SGMS1: variants seen among roughly 807,000 people sequenced by gnomAD.
SGMS1 encodes the protein sphingomyelin synthase 1, also known as phosphatidylcholine:ceramide cholinephosphotransferase 1.
A neutral mutation model predicts 46.2 loss-of-function variants in SGMS1; 13 were observed. That is an observed-to-expected ratio of 0.28 (90% CI 0.18 to 0.45). The LOEUF is 0.45. SGMS1 is among the 20% of genes least tolerant of loss of function. The pLI is 1.00. For missense variants in SGMS1, 324 were observed against 519.9 expected, an observed-to-expected ratio of 0.62 and a Z score of 3.66; for synonymous variants, 203 against 187.8, an observed-to-expected ratio of 1.08 and a Z score of -0.66.
chr10:50,566,754 C>T (rs907547150), intron 2 of SGMS1, among the ~76,000 whole-genome samples: 1 of 152,092 alleles, frequency 6.6e-6, no homozygotes, highest in South Asian at 2.1e-4. Flanking sequence ...GTTTCAGGAC[C>T]CCTGGCAGAC....
intron 2 of SGMS1, among the ~76,000 whole-genome samples, chr10:50,524,879 A>T (rs921342046): frequency 6.6e-6 from 1 of 152,210 alleles, no homozygotes; most frequent in Non-Finnish European, 1.5e-5. Flanking sequence ...ATAAGATGAG[A>T]GTAACTCATC....
At chr10:50,516,923 A>G (rs1217082116) in intron 3 of SGMS1, among the ~76,000 whole-genome samples, 1 of 152,194 alleles carries the variant, frequency 6.6e-6, no homozygotes, top group East Asian at 1.9e-4. Flanking sequence ...CTGAGCAAAG[A>G]ACACTCAGGA....
At chr10:50,558,457 G>A (rs749611690) in intron 2 of SGMS1, among the ~76,000 whole-genome samples, 9 of 152,076 alleles carry the variant, frequency 5.9e-5, no homozygotes, top group Non-Finnish European at 1.2e-4. Context: ...GAAATATCCC[G>A]GATAAGCTGC....
At chr10:50,356,291 T>C (rs1204714196) in intron 6 of SGMS1, among the ~76,000 whole-genome samples, 2 of 152,192 alleles carry the variant, frequency 1.3e-5, no homozygotes. Flanking sequence ...ATGTGCTGTG[T>C]CCACTAAGGG....
intron 7 of SGMS1, among the ~76,000 whole-genome samples, chr10:50,337,466 G>T (rs1241113616): frequency 1.3e-5 from 2 of 152,086 alleles, no homozygotes; most frequent in Non-Finnish European, 2.9e-5. Context: ...CATATCAAAT[G>T]CTCTTTATAT....
At position 50,523,920 on chromosome 10, in the gene SGMS1, C is replaced by T. The variant is rs189263279; in HGVS notation, c.-588-3999G>A. Among the ~76,000 whole-genome samples, 11 of 152,358 alleles carry T rather than the reference C, an allele frequency of 7.2e-5. No homozygotes were observed. In the East Asian group the frequency reaches 1.5e-3, roughly 21 times the overall value. On this transcript the variant is annotated intron_variant, in intron 2 of 10. Coordinates refer to ENST00000361781, the MANE Select transcript of SGMS1 (RefSeq NM_147156.4). ...ACGTGTGCACATGCGCACACACACA[C>T]GCAGCATTCCAAACACAGTTTGCAG...
intron 6 of SGMS1, among the ~76,000 whole-genome samples, chr10:50,399,126 GA>G (rs1411128913): frequency 1.3e-5 from 2 of 151,946 alleles, no homozygotes; most frequent in African/African-American, 2.4e-5. Flanking sequence ...TAAATTTACT[GA>G]AAATCACTGA....
At chr10:50,379,773 T>C (rs1848574838) in intron 6 of SGMS1, among the ~76,000 whole-genome samples, 1 of 152,170 alleles carries the variant, frequency 6.6e-6, no homozygotes, top group Admixed American at 6.5e-5. Flanking sequence ...TCACCTTCTC[T>C]TGCAGTCATA....
intron 2 of SGMS1, among the ~76,000 whole-genome samples, chr10:50,546,583 G>A (rs553374538): frequency 2.0e-5 from 3 of 152,266 alleles, no homozygotes; most frequent in African/African-American, 7.2e-5. Flanking sequence ...GGACATGGAT[G>A]AAGCTGGAAA....
intron 2 of SGMS1, among the ~76,000 whole-genome samples, chr10:50,524,874 A>G (rs1273603914): frequency 2.0e-5 from 3 of 152,170 alleles, no homozygotes; most frequent in Non-Finnish European, 4.4e-5. Flanking sequence ...TAAAAATAAG[A>G]TGAGAGTAAC....
At chr10:50,497,306 T>A (rs1837623329) in intron 3 of SGMS1, among the ~76,000 whole-genome samples, 1 of 152,242 alleles carries the variant, frequency 6.6e-6, no homozygotes, top group African/African-American at 2.4e-5. Context: ...ACTGCTCACA[T>A]AGCTATCAAC....
At chr10:50,445,976 T>C (rs1837007503) in intron 5 of SGMS1, among the ~76,000 whole-genome samples, 1 of 152,124 alleles carries the variant, frequency 6.6e-6, no homozygotes, top group African/African-American at 2.4e-5. Context: ...TTTACGATTG[T>C]AGATAAGGGA....
intron 2 of SGMS1, among the ~76,000 whole-genome samples, chr10:50,560,625 T>C (rs1048611992): frequency 1.4e-5 from 2 of 147,374 alleles, no homozygotes; most frequent in African/African-American, 4.9e-5. Flanking sequence ...ATATGTAATA[T>C]AGTATATATT....
chr10:50,602,361 T>C (rs1446915167), intron 1 of SGMS1, among the ~76,000 whole-genome samples: 1 of 152,248 alleles, frequency 6.6e-6, no homozygotes, highest in East Asian at 1.9e-4. Flanking sequence ...TCCTACCTTA[T>C]GTCATAGCAT....
intron 6 of SGMS1, among the ~76,000 whole-genome samples, chr10:50,375,303 T>TA (rs1345399385): frequency 3.3e-5 from 5 of 152,198 alleles, no homozygotes; most frequent in Admixed American, 3.3e-4. Flanking sequence ...TGGTGCTTGT[T>TA]AGTCTAGTCA....
chr10:50,353,337 C>A (rs1412428782), intron 6 of SGMS1, among the ~76,000 whole-genome samples: 3 of 152,288 alleles, frequency 2.0e-5, no homozygotes, highest in African/African-American at 4.8e-5. Context: ...CTGACAAAAA[C>A]CACATGATTA....
intron 5 of SGMS1, among the ~76,000 whole-genome samples, chr10:50,450,204 G>A (rs898325848): frequency 6.6e-6 from 1 of 152,132 alleles, no homozygotes; most frequent in Non-Finnish European, 1.5e-5. Context: ...ATCATTCTGG[G>A]TTATTCTATA....
intron 2 of SGMS1, among the ~76,000 whole-genome samples, chr10:50,573,097 G>A (rs1270599331): frequency 6.6e-6 from 1 of 152,066 alleles, no homozygotes; most frequent in Admixed American, 6.5e-5. Context: ...AACAAAATAA[G>A]GGTCATACAT....
At chr10:50,356,035 C>G in intron 6 of SGMS1, among the ~76,000 whole-genome samples, 1 of 152,258 alleles carries the variant, frequency 6.6e-6, no homozygotes, top group Middle Eastern at 3.4e-3. Flanking sequence ...CCCCTCCGCC[C>G]GGCAGCCACC....
Sources: gnomAD v4.1 joint callset for allele counts (sites outside exome capture counted in the v4.1 genomes callset) on GRCh38, gnomAD v4.1.1 for gene constraint, MANE v1.5 for transcripts, NCBI Gene and HGNC (gene_info 2026-07-23, HGNC 2026-07-21) for gene names.